Variants in RCBTB2 observed in about 807,000 individuals in gnomAD.
The protein encoded by RCBTB2 is RCC1 and BTB domain-containing protein 2.
A neutral mutation model predicts 65.4 loss-of-function variants in RCBTB2; 55 were observed. The observed-to-expected ratio is 0.84, with a 90% CI of 0.68 to 1.05. The LOEUF is 1.05. Ranked by LOEUF, RCBTB2 falls within the 50% of genes least tolerant of loss-of-function variation. The probability of loss-of-function intolerance (pLI) is 0.00; values close to 1 mark genes in which losing one functional copy is unlikely to be tolerated. For synonymous variants in RCBTB2, 220 were observed against 255.2 expected (o/e 0.86, Z 1.31); for missense variants, 599 against 680.1 (o/e 0.88, Z 1.33).
chr13:48,514,883 G>A (rs746914957), intron 6 of RCBTB2, among the ~76,000 whole-genome samples: 4 of 152,150 alleles, frequency 2.6e-5, no homozygotes, highest in South Asian at 2.1e-4. Flanking sequence ...AAGAGTTGGC[G>A]GGGGGATGTT....
intron 10 of RCBTB2, chr13:48,504,098 C>T (rs2138476852): frequency 1.1e-6 from 1 of 891,890 alleles, no homozygotes; most frequent in South Asian, 5.1e-5. Flanking sequence ...AGTTAAATAA[C>T]AAAGATGCTT....
intron 10 of RCBTB2, among the ~76,000 whole-genome samples, chr13:48,507,162 AC>A (rs1168215697): frequency 6.6e-6 from 1 of 152,178 alleles, no homozygotes; most frequent in African/African-American, 2.4e-5. Flanking sequence ...TACCTGGCAC[AC>A]CCGGCTCCAC....
At chr13:48,507,109 G>T (rs1030961029) in intron 10 of RCBTB2, among the ~76,000 whole-genome samples, 1 of 152,254 alleles carries the variant, frequency 6.6e-6, no homozygotes, top group Non-Finnish European at 1.5e-5. Flanking sequence ...GTCAGGGAAG[G>T]CCATGTGATG....
chr13:48,505,898 G>A (rs1300808800), intron 10 of RCBTB2, among the ~76,000 whole-genome samples: 1 of 152,188 alleles, frequency 6.6e-6, no homozygotes, highest in Non-Finnish European at 1.5e-5. Flanking sequence ...GTGTTTACCA[G>A]CTGCTGCAGA....
At chr13:48,532,860 CTG>C (rs1166609221) in intron 1 of RCBTB2, 166 bp downstream of exon 1, 1 of 388,778 alleles carries the variant, frequency 2.6e-6, no homozygotes. Context: ...ACGCCTAGGC[CTG>C]TGGCACGGTC....
chr13:48,512,073 T>C lies in RCBTB2; in HGVS notation c.618A>G (p.Val206=). The C allele has an allele frequency of 6.2e-7, 1 of 1,614,270 alleles. No homozygotes were observed. Among genetic ancestry groups the C allele is most frequent in the South Asian group, 1.1e-5 (1 of 91,086 alleles). The part of the protein sequence containing the change: ...RRVTGCLQNK[V]VVTIACGQMC... ...TCTGCCCACATGCTATGGTCACAAC[T>C]ACTTTATTTTGTAGGCAGCCAGTGA... Residue 206 remains valine, a synonymous_variant, in exon 8 of 15, where the codon GTA becomes GTG. Transcript: ENST00000344532.
intron 10 of RCBTB2, among the ~76,000 whole-genome samples, chr13:48,507,341 A>T (rs1950554935): frequency 6.6e-6 from 1 of 152,242 alleles, no homozygotes; most frequent in South Asian, 2.1e-4. Flanking sequence ...AACTGGACTC[A>T]CACCAAGCAG....
At chr13:48,502,626 T>C in intron 11 of RCBTB2, 98 bp downstream of exon 11, 3 of 1,202,398 alleles carry the variant, frequency 2.5e-6, no homozygotes, top group Non-Finnish European at 2.3e-6. Flanking sequence ...AAATAAATTA[T>C]GATAGTGCAC....
In RCBTB2 at chr13:48,518,473, ATAT is replaced by A. The variant is rs1254323855; in HGVS notation, c.43-2735_43-2733del. Among the ~76,000 whole-genome samples the A allele has an allele frequency of 8.0e-3, 643 of 80,726 alleles. 5 individuals carry two copies. The highest frequency in any genetic ancestry group is 0.039 in the African/African-American group (549 of 14,170). The allele number at this position is 80,726 out of a possible 152,430, so 53.0% of individuals were successfully genotyped here. A position where few individuals can be genotyped will look rare whatever the true frequency, so the allele number is the denominator to read the frequency against. On this transcript the variant is annotated intron_variant, in intron 4 of 14. Transcript: ENST00000344532. ...GAGTACTTTGCAAAAAAAAAAAAAA[ATAT>A]ATATATATATATATATATATTTACC...
rs566515088 is a variant in RCBTB2, at chr13:48,527,947, T to C, written c.-218-3190A>G. On this transcript the variant is annotated intron_variant, in intron 1 of 14. Transcript: ENST00000344532. The stretch of plus-strand genomic sequence containing the variant: ...ATAACAGGCAGTCTGTACATATTAT[T>C]TGTGGCAAAGTAATCAGTATTAATC... Among the ~76,000 whole-genome samples the C allele has an allele frequency of 3.7e-4, 56 of 152,322 alleles. 3 individuals are homozygous for C. In the South Asian group the frequency reaches 0.011, roughly 29 times the overall value.
chr13:48,490,238 A>T lies in RCBTB2; in HGVS notation c.1529T>A (p.Phe510Tyr). The change falls in exon 15 of 15, where the codon TTC (phenylalanine) becomes TAC (tyrosine). Residue 510 changes from phenylalanine to tyrosine, a missense_variant. Transcript: ENST00000344532. Reference protein sequence around the residue: ...VKYDAQDLEEFCFRFCINHLT... With the variant: ...VKYDAQDLEEYCFRFCINHLT... ...ATGGTTTATGCAAAACCTGAAGCAG[A>T]ATTCTTCTAAATCCTAGGAACAACA... The T allele has an allele frequency of 6.2e-7, 1 of 1,613,264 alleles. No homozygotes were observed. The highest frequency in any genetic ancestry group is 8.5e-7 in the Non-Finnish European group (1 of 1,179,352).
chr13:48,521,770 T>C (rs1951438463), intron 4 of RCBTB2, 128 bp downstream of exon 4: 1 of 834,108 alleles, frequency 1.2e-6, no homozygotes, highest in African/African-American at 1.7e-5. Context: ...TCTCAGTGAT[T>C]ACACTGTGAG....
At chr13:48,495,001 ACTTTTTGTCTT>A (rs1200945694) in intron 14 of RCBTB2, among the ~76,000 whole-genome samples, 1 of 152,082 alleles carries the variant, frequency 6.6e-6, no homozygotes, top group East Asian at 1.9e-4. Flanking sequence ...TACCTTCCTC[ACTTTTTGTCTT>A]TTACAAATTT....
chr13:48,502,973 C>A, intron 10 of RCBTB2, 59 bp from the exon 11 acceptor site: 1 of 1,446,818 alleles, frequency 6.9e-7, no homozygotes. Flanking sequence ...CAAGTTGGGT[C>A]CTCCTCCCGC....
intron 14 of RCBTB2, 22 bp downstream of exon 14, chr13:48,496,169 G>T: frequency 7.0e-7 from 1 of 1,431,252 alleles, no homozygotes; most frequent in Non-Finnish European, 9.2e-7. Context: ...GAGGCCGGCA[G>T]CTGGAAGCAA....
At chr13:48,518,472 A>AAAAAAAAAATATATAT (rs1491137365) in intron 4 of RCBTB2, among the ~76,000 whole-genome samples, 3 of 116,620 alleles carry the variant, frequency 2.6e-5, no homozygotes, top group African/African-American at 1.1e-4. Flanking sequence ...AAAAAAAAAA[A>AAAAAAAAAATATATAT]ATATATATAT....
chr13:48,513,192 A>G (rs1950901973), intron 6 of RCBTB2, among the ~76,000 whole-genome samples: 1 of 152,238 alleles, frequency 6.6e-6, no homozygotes, highest in Admixed American at 6.5e-5. Context: ...CATTAGAATG[A>G]AGTCAAATAT....
chr13:48,518,056 C>T (rs1237421994), intron 4 of RCBTB2, among the ~76,000 whole-genome samples: 1 of 152,204 alleles, frequency 6.6e-6, no homozygotes, highest in African/African-American at 2.4e-5. Flanking sequence ...GGGCCACCAC[C>T]AGAAGCTGAG....
chr13:48,527,396 T>TA (rs71076027), intron 1 of RCBTB2, among the ~76,000 whole-genome samples: 1 of 137,874 alleles, frequency 7.3e-6, no homozygotes, highest in African/African-American at 3.1e-5. Context: ...TATATTTATA[T>TA]TAAAAGGTGC....
Sources: gnomAD v4.1 joint callset for allele counts (sites outside exome capture counted in the v4.1 genomes callset) on GRCh38, gnomAD v4.1.1 for gene constraint, MANE v1.5 for transcripts, NCBI Gene and HGNC (gene_info 2026-07-23, HGNC 2026-07-21) for gene names.